Variants in KIF13B observed in about 807,000 individuals in gnomAD.
The protein encoded by KIF13B is kinesin family member 13B.
Under a neutral mutation model 222.0 loss-of-function variants are expected in KIF13B, and 127 were observed. That is an observed-to-expected ratio of 0.57 (90% CI 0.50 to 0.66). The LOEUF is 0.66. Ranked by LOEUF, KIF13B falls within the 30% of genes least tolerant of loss-of-function variation. KIF13B has a pLI of 0.00. For synonymous variants in KIF13B, 976 were observed against 919.0 expected, an observed-to-expected ratio of 1.06 and a Z score of -1.12; for missense variants, 2,173 against 2,379.0, an observed-to-expected ratio of 0.91 and a Z score of 1.80.
intron 2 of KIF13B, among the ~76,000 whole-genome samples, chr8:29,223,435 G>C (rs1477573143): frequency 1.3e-5 from 2 of 151,046 alleles, no homozygotes; most frequent in Non-Finnish European, 1.5e-5. Context: ...ACTTCACAGA[G>C]AACTAGATTA....
chr8:29,071,696 C>A lies in KIF13B; in HGVS notation c.5142G>T (p.Thr1714=). Residue 1714 remains threonine, a synonymous_variant, in exon 39 of 40, where the codon ACG becomes ACT. Coordinates refer to ENST00000524189, the MANE Select transcript of KIF13B (RefSeq NM_015254.4). This position sits in a 1 kb window ranked among gnomAD's most constrained non-coding sequence, Gnocchi z 4.9. ...GEFVTVGAHK[T]GVVRYVGPAD... is the part of the protein sequence containing the mutation. ...CAGGCCCCACGTATCTCACCACGCC[C>A]GTTTTGTGGGCGCCCACGGTGACGA... 1 of 1,552,430 alleles carries A rather than the reference C, an allele frequency of 6.4e-7. No individual in the cohort carries two copies. Among genetic ancestry groups the A allele is most frequent in the Non-Finnish European group, 8.7e-7 (1 of 1,148,036 alleles).
chr8:29,091,133 T>G (rs1027083319), intron 37 of KIF13B, among the ~76,000 whole-genome samples: 4 of 152,220 alleles, frequency 2.6e-5, no homozygotes, highest in African/African-American at 4.8e-5. Flanking sequence ...GAATAAAAAT[T>G]GCTTATGAAA....
chr8:29,156,578 T>C (rs73558588), intron 13 of KIF13B, among the ~76,000 whole-genome samples: 7,138 of 151,982 alleles, frequency 0.047, 360 homozygotes, highest in African/African-American at 0.12. Flanking sequence ...GCAGAGACAC[T>C]ATCCATGCTC....
chr8:29,070,565 G>T lies in KIF13B; in HGVS notation c.5420C>A (p.Ala1807Asp), dbSNP rs371612114. The change falls in exon 40 of 40, where the codon GCC becomes GAC. Residue 1807 changes from alanine to aspartate, a missense_variant. Coordinates refer to ENST00000524189, the MANE Select transcript of KIF13B (RefSeq NM_015254.4). The surrounding 1 kb of genome is among the most constrained non-coding windows in gnomAD (Gnocchi z 4.1). ...GTGGCTCCTGTCGGCCTTGGCCAGG[G>T]CAGCTGTCAGCGAGGCCAGGTTGGT... Reference protein sequence around the residue: ...SATNLASLTAALAKADRSHKN... With the variant: ...SATNLASLTADLAKADRSHKN... 41 of 1,606,510 alleles carry T rather than the reference G, an allele frequency of 2.6e-5. No individual in the cohort carries two copies. The African/African-American group carries it at 4.1e-4, about 16-fold the overall frequency.
chr8:29,099,037 G>T, intron 36 of KIF13B, 96 bp downstream of exon 36: 2 of 934,020 alleles, frequency 2.1e-6, no homozygotes, highest in Non-Finnish European at 3.6e-6. Flanking sequence ...ACATTATCTA[G>T]CAGAACAGTG....
intron 1 of KIF13B, among the ~76,000 whole-genome samples, chr8:29,255,831 T>C (rs1359802073): frequency 6.6e-6 from 1 of 152,140 alleles, no homozygotes; most frequent in Non-Finnish European, 1.5e-5. Context: ...TGACATGTGA[T>C]TGCTTTCACC....
chr8:29,125,667 C>A (rs1200946161), intron 26 of KIF13B, among the ~76,000 whole-genome samples: 2 of 151,300 alleles, frequency 1.3e-5, no homozygotes, highest in African/African-American at 4.9e-5. Flanking sequence ...AGAGCCCTGA[C>A]AGTCCTGAAC....
At chr8:29,135,664 G>C (rs1236926632) in intron 21 of KIF13B, among the ~76,000 whole-genome samples, 2 of 152,172 alleles carry the variant, frequency 1.3e-5, no homozygotes, top group African/African-American at 4.8e-5. Context: ...CACTTTGGGA[G>C]GCCGAGGATC....
At chr8:29,200,501 G>A (rs771095023) in intron 2 of KIF13B, among the ~76,000 whole-genome samples, 1 of 152,118 alleles carries the variant, frequency 6.6e-6, no homozygotes, top group Admixed American at 6.6e-5. Flanking sequence ...CTTACAAAAA[G>A]CTCCAAAAAT....
chr8:29,180,897 C>T (rs918472072), intron 7 of KIF13B, among the ~76,000 whole-genome samples: 6 of 151,998 alleles, frequency 3.9e-5, no homozygotes, highest in African/African-American at 9.7e-5. Flanking sequence ...AGCTATGACA[C>T]CCATCTGCCT....
At chr8:29,075,209 C>T in intron 38 of KIF13B, 72 bp downstream of exon 38, 1 of 1,218,096 alleles carries the variant, frequency 8.2e-7, no homozygotes, top group Admixed American at 2.0e-5. Flanking sequence ...TGGGTGTGGA[C>T]TCAACAGTTT....
At chr8:29,093,219 A>C (rs1184816361) in intron 36 of KIF13B, among the ~76,000 whole-genome samples, 2 of 152,220 alleles carry the variant, frequency 1.3e-5, no homozygotes, top group African/African-American at 4.8e-5. Flanking sequence ...TTTTTAAGTC[A>C]CACTGCCAAT....
chr8:29,183,229 G>GT (rs1812792170), intron 6 of KIF13B, among the ~76,000 whole-genome samples: 1 of 124,360 alleles, frequency 8.0e-6, no homozygotes, highest in African/African-American at 3.2e-5. Context: ...TCAGCTCACT[G>GT]TAACCTCCGC....
Position 29,162,220 on chromosome 8 carries a change from C to G in KIF13B, c.1270-1353G>C, listed in dbSNP as rs908648425. ...TGATTCTGGGGAAAGGCAAGACAAA[C>G]TAAGTCATTTAACTACAGCCACAAA... On this transcript the variant is annotated intron_variant, in intron 12 of 39. Transcript: ENST00000524189. Among the ~76,000 whole-genome samples, 9 of 152,124 alleles carry G rather than the reference C, an allele frequency of 5.9e-5. No homozygotes were observed. In the East Asian group the frequency reaches 1.7e-3, roughly 29 times the overall value.
rs573575100 is a variant in KIF13B at position 29,116,969 on chromosome 8, G to A, written c.3699C>T (p.Gly1233=). 1.0e-5 allele frequency: 16 copies of A among 1,605,262 alleles called. No homozygotes were observed. In the South Asian group the frequency reaches 1.4e-4, roughly 14 times the overall value. The part of the protein sequence containing the change: ...AEASWDSAVH[G]CPQLSRGTPV... ...GCGTGCCCCTGCTGAGCTGAGGGCA[G>A]CCATGCACCGCGGAGTCCCAGGAGG... Residue 1233 remains glycine (G), a synonymous_variant, in exon 31 of 40, where the codon GGC becomes GGT. Transcript: ENST00000524189.
chr8:29,124,238 T>C (rs996038457), intron 26 of KIF13B, 115 bp from the exon 27 acceptor site: 6 of 598,914 alleles, frequency 1.0e-5, no homozygotes, highest in Non-Finnish European at 1.7e-5. Context: ...TAGTATACAA[T>C]AATTTCTTTA....
At chr8:29,110,155 C>A (rs754154383) in intron 32 of KIF13B, 85 bp from the exon 33 acceptor site, 4 of 1,169,716 alleles carry the variant, frequency 3.4e-6, no homozygotes, top group Non-Finnish European at 4.8e-6. Flanking sequence ...ACACACAGAA[C>A]GTATTCCAAA....
intron 2 of KIF13B, among the ~76,000 whole-genome samples, chr8:29,203,806 AT>A (rs1682309445): frequency 2.1e-5 from 3 of 143,388 alleles, no homozygotes; most frequent in African/African-American, 7.7e-5. Context: ...AGGCAGGAAA[AT>A]TGCTTGAAGC....
intron 1 of KIF13B, among the ~76,000 whole-genome samples, chr8:29,261,865 A>T (rs991279970): frequency 1.3e-5 from 2 of 152,210 alleles, no homozygotes; most frequent in African/African-American, 4.8e-5. Context: ...AGCTTATGTC[A>T]ACTGGTTGAT....
Sources: allele counts gnomAD v4.1 joint callset (sites outside exome capture counted in the v4.1 genomes callset), GRCh38; gene constraint gnomAD v4.1.1; non-coding constraint Gnocchi (gnomAD v3.1); transcripts MANE v1.5; gene names NCBI Gene and HGNC (gene_info 2026-07-23, HGNC 2026-07-21).